Variants in SEPTIN6 observed in about 807,000 individuals in gnomAD.
The protein encoded by SEPTIN6 is septin-6.
In SEPTIN6, 8 loss-of-function variants were observed where a neutral mutation model predicts 33.6. The ratio of observed to expected loss-of-function variants is 0.24; its 90% confidence interval spans 0.14 to 0.43. The LOEUF is 0.43. Among genes scored for constraint, SEPTIN6 ranks in the 20% least tolerant of loss-of-function variants. The pLI, the probability that SEPTIN6 is intolerant of heterozygous loss-of-function variation, is 1.00. For synonymous variants in SEPTIN6, 131 were observed against 140.0 expected, an observed-to-expected ratio of 0.94 and a Z score of 0.45; for missense variants, 250 against 340.8, an observed-to-expected ratio of 0.73 and a Z score of 2.10.
intron 9 of SEPTIN6, chrX:119,628,807 ATTTT>A (rs1332987125): frequency 1.1e-5 from 1 of 88,220 alleles, no homozygotes; most frequent in Non-Finnish European, 2.2e-5. Context: ...TGCCCAGCCT[ATTTT>A]TTTTTTCTTT....
In SEPTIN6 at chrX:119,652,863, C is replaced by T. The variant is rs1222308971; in HGVS notation, c.519G>A (p.Leu173=). Residue 173 remains leucine (L), a synonymous_variant, in exon 4 of 11, where the codon CTG becomes CTA. Transcript: ENST00000394610. The part of the protein sequence containing the change: ...KSLDLVTMKK[L]DSKVNIIPII... ...CCCCTGCCTCCTATACCTTACTGTC[C>T]AGCTTCTTCATAGTCACTAGGTCCA... is the stretch of plus-strand genomic sequence containing the variant. 7 of 1,207,664 alleles carry T rather than the reference C, an allele frequency of 5.8e-6. No homozygotes were observed. The highest frequency in any genetic ancestry group is 7.8e-6 in the Non-Finnish European group (7 of 894,180).
intron 1 of SEPTIN6, among the ~76,000 whole-genome samples, chrX:119,677,554 C>A: frequency 8.9e-6 from 1 of 112,634 alleles, no homozygotes; most frequent in Admixed American, 9.3e-5. Flanking sequence ...CGGTTAGTGC[C>A]AGGAGGCCCA....
In SEPTIN6 at chrX:119,618,528, CA is replaced by C. The variant is rs373322956; in HGVS notation, c.*1564del. The C allele has an allele frequency of 1.1e-6, 1 of 942,019 alleles. No homozygotes were observed. Among genetic ancestry groups the C allele is most frequent in the Non-Finnish European group, 1.3e-6 (1 of 756,051 alleles). 77.6% of individuals were successfully genotyped at this position (942,019 alleles called of 1,213,427 possible). ...ACTGTGTGCTTTGAAAGTAAGTGATCAAAAAAAGAAACTCTAAAAAAAAAAT... is the reference window on the plus strand; with the variant it reads ...ACTGTGTGCTTTGAAAGTAAGTGATCAAAAAAGAAACTCTAAAAAAAAAAT... On this transcript the variant is annotated 3_prime_UTR_variant, in exon 11 of 11. Transcript: ENST00000394610.
chrX:119,690,723 CAAAAAAA>C (rs772333455), intron 1 of SEPTIN6, among the ~76,000 whole-genome samples: 617 of 23,026 alleles, frequency 0.027, 6 homozygotes, highest in African/African-American at 0.077. Flanking sequence ...GACTCCGTCT[CAAAAAAA>C]AAAAAAAAAA....
intron 1 of SEPTIN6, among the ~76,000 whole-genome samples, chrX:119,679,756 G>A (rs2054916553): frequency 8.9e-6 from 1 of 111,922 alleles, no homozygotes; most frequent in South Asian, 3.7e-4. Context: ...CACTCAGGAG[G>A]CTGAGAGGCA....
chrX:119,676,051 C>T (rs2054834532), intron 1 of SEPTIN6, among the ~76,000 whole-genome samples: 1 of 111,542 alleles, frequency 9.0e-6, no homozygotes, highest in Admixed American at 9.6e-5. Context: ...TCCACATCTG[C>T]CATCTGAGAT....
chrX:119,623,246 C>T (rs976188530), intron 10 of SEPTIN6, among the ~76,000 whole-genome samples: 12 of 111,775 alleles, frequency 1.1e-4, no homozygotes, highest in African/African-American at 3.9e-4. Flanking sequence ...ATGAGACAAC[C>T]GGGATGTTTC....
Position 119,617,648 on chromosome X carries a change from T to C in SEPTIN6, c.*2445A>G, listed in dbSNP as rs1792459830. 1.6e-5 allele frequency: 13 copies of C among 804,349 alleles called. No individual in the cohort carries two copies. The highest frequency in any genetic ancestry group is 1.9e-5 in the Non-Finnish European group (13 of 669,527). The allele number at this position is 804,349 out of a possible 1,213,427, so 66.3% of individuals were successfully genotyped here. A position where few individuals can be genotyped will look rare whatever the true frequency, so the allele number is the denominator to read the frequency against. On this transcript the variant is annotated 3_prime_UTR_variant, in exon 11 of 11. Transcript: ENST00000394610. Reference sequence around the variant, plus strand: ...TCAAAAGACCTCGTATCCAGGAATGTAACGTATATAAACAGATTGAATCCC... The same window carrying C: ...TCAAAAGACCTCGTATCCAGGAATGCAACGTATATAAACAGATTGAATCCC...
Position 119,640,852 on chromosome X carries a change from C to T in SEPTIN6, c.691-64G>A, listed in dbSNP as rs1229321417. 3.0e-6 allele frequency: 3 copies of T among 994,026 alleles called. No homozygotes were observed. In the African/African-American group the frequency reaches 5.7e-5, roughly 19 times the overall value. 81.9% of individuals were successfully genotyped at this position (994,026 alleles called of 1,213,427 possible). On this transcript the variant is annotated intron_variant, in intron 5 of 10. Transcript: ENST00000394610. Reference sequence around the variant, plus strand: ...GAAAGGCACTGAGTGTTACACAACCCAACTGCTGTTCGTCTCTGGGGCCCC... The same window carrying T: ...GAAAGGCACTGAGTGTTACACAACCTAACTGCTGTTCGTCTCTGGGGCCCC...
At chrX:119,644,000 C>T (rs896564590) in intron 5 of SEPTIN6, among the ~76,000 whole-genome samples, 6 of 111,487 alleles carry the variant, frequency 5.4e-5, no homozygotes, top group African/African-American at 2.0e-4. Context: ...AGCAGATACC[C>T]ACCCTCCCCC....
chrX:119,619,949 C>A lies in SEPTIN6; in HGVS notation c.*144G>T. The A allele has an allele frequency of 1.0e-5, 12 of 1,179,474 alleles. No individual in the cohort carries two copies. The highest frequency in any genetic ancestry group is 1.4e-5 in the Non-Finnish European group (12 of 883,365). On this transcript the variant is annotated 3_prime_UTR_variant, in exon 11 of 11. Transcript: ENST00000394610. ...ACCTTGGCAGGAAGAGAGGAGAGGGCGCGGGTTGGATTGTATGCCCCCCAG... is the reference window on the plus strand; with the variant it reads ...ACCTTGGCAGGAAGAGAGGAGAGGGAGCGGGTTGGATTGTATGCCCCCCAG...
At chrX:119,650,213 C>G in intron 4 of SEPTIN6, 115 bp from the exon 5 acceptor site, 2 of 652,231 alleles carry the variant, frequency 3.1e-6, no homozygotes, top group Non-Finnish European at 4.8e-6. Context: ...TGGTCAAAGA[C>G]TGGCCACTTC....
At chrX:119,686,693 C>T (rs1229405231) in intron 1 of SEPTIN6, 2 of 701,589 alleles carry the variant, frequency 2.9e-6, no homozygotes, top group African/African-American at 2.2e-5. Flanking sequence ...CTGCGCCCCC[C>T]ACTCCAGTTG....
At chrX:119,677,346 C>T (rs1452537433) in intron 1 of SEPTIN6, among the ~76,000 whole-genome samples, 1 of 112,154 alleles carries the variant, frequency 8.9e-6, no homozygotes, top group Non-Finnish European at 1.9e-5. Context: ...AAGGGGCCTG[C>T]GTGGAGCGTG....
intron 4 of SEPTIN6, among the ~76,000 whole-genome samples, chrX:119,651,340 CT>C (rs1156670974): frequency 8.9e-5 from 10 of 112,113 alleles, no homozygotes; most frequent in Admixed American, 2.8e-4. Context: ...AGAGCCTATT[CT>C]CCTTGGCACT....
chrX:119,638,552 G>A (rs73637861), intron 6 of SEPTIN6, among the ~76,000 whole-genome samples: 1,383 of 111,531 alleles, frequency 0.012, 17 homozygotes, highest in African/African-American at 0.043. Flanking sequence ...GGCAGAGAAG[G>A]GTCTGGGATA....
chrX:119,642,871 C>T (rs765837694), intron 5 of SEPTIN6, among the ~76,000 whole-genome samples: 1 of 110,966 alleles, frequency 9.0e-6, no homozygotes, highest in Non-Finnish European at 1.9e-5. Flanking sequence ...ATCAGACGAT[C>T]GTCTCAGACA....
chrX:119,682,238 G>C (rs2054973319), intron 1 of SEPTIN6, among the ~76,000 whole-genome samples: 1 of 111,297 alleles, frequency 9.0e-6, no homozygotes, highest in South Asian at 3.8e-4. Context: ...GCTCAGTCAA[G>C]GGAGTAGTCG....
At chrX:119,653,151 A>G (rs2054378499) in intron 3 of SEPTIN6, 111 bp from the exon 4 acceptor site, 4 of 605,519 alleles carry the variant, frequency 6.6e-6, no homozygotes, top group Non-Finnish European at 1.0e-5. Context: ...CTCCCATCCA[A>G]CTGCATTTCT....
Sources: gnomAD v4.1 joint callset for allele counts (sites outside exome capture counted in the v4.1 genomes callset) on GRCh38, gnomAD v4.1.1 for gene constraint, MANE v1.5 for transcripts, NCBI Gene and HGNC (gene_info 2026-07-23, HGNC 2026-07-21) for gene names.